Variants in MYO10 observed in about 807,000 individuals in gnomAD.
The protein encoded by MYO10 is myosin X.
In MYO10, 133 loss-of-function variants were observed where a neutral mutation model predicts 257.3. The ratio of observed to expected loss-of-function variants is 0.52; its 90% CI spans 0.45 to 0.60. MYO10 has a LOEUF of 0.60. MYO10 is among the 20% of genes least tolerant of loss of function. The pLI, the probability that MYO10 is intolerant of heterozygous loss-of-function variation, is 0.00. For synonymous variants in MYO10, 1,104 were observed against 1,028.6 expected (o/e 1.07, Z -1.40); for missense variants, 2,399 against 2,635.7 (o/e 0.91, Z 1.97).
chr5:16,698,064 C>T (rs757000935), intron 26 of MYO10, among the ~76,000 whole-genome samples: 40 of 152,296 alleles, frequency 2.6e-4, no homozygotes, highest in Non-Finnish European at 5.6e-4. Context: ...TATGAGGTCC[C>T]AATTAAATAA....
intron 29 of MYO10, among the ~76,000 whole-genome samples, chr5:16,684,319 C>A (rs985015825): frequency 3.3e-5 from 5 of 152,156 alleles, no homozygotes; most frequent in African/African-American, 7.2e-5. Flanking sequence ...CTCAGCTCAA[C>A]GCAACCTCTG....
chr5:16,671,585 G>A (rs1272388205), intron 37 of MYO10, 43 bp from the exon 38 acceptor site: 1 of 1,612,752 alleles, frequency 6.2e-7, no homozygotes. Flanking sequence ...TGAACGAGAA[G>A]GGCCTTCAGT....
chr5:16,706,663 GTCT>G (rs1328593980), intron 21 of MYO10, among the ~76,000 whole-genome samples: 2 of 152,150 alleles, frequency 1.3e-5, no homozygotes, highest in East Asian at 3.9e-4. Context: ...AGGAACAAAG[GTCT>G]TCTCCACCAT....
chr5:16,865,938 A>T (rs960257015), intron 2 of MYO10, among the ~76,000 whole-genome samples: 4 of 151,730 alleles, frequency 2.6e-5, no homozygotes, highest in Non-Finnish European at 5.9e-5. Flanking sequence ...CGACATTATA[A>T]ATGTGATTAC....
In MYO10 at chr5:16,794,915, C is replaced by A; in HGVS notation, c.280-82G>T. 3.5e-6 allele frequency: 4 copies of A among 1,132,856 alleles called. No homozygotes were observed. The South Asian group carries it at 7.0e-5, about 20-fold the overall frequency. The allele number at this position is 1,132,856 out of a possible 1,614,324, so 70.2% of individuals were successfully genotyped here. ...GCTCCAACAAAACCCACCGAGTGTGCGCCAGGGGGAAAGACGTCTTCTGTC... is the reference window on the plus strand; with the variant it reads ...GCTCCAACAAAACCCACCGAGTGTGAGCCAGGGGGAAAGACGTCTTCTGTC... On this transcript the variant is annotated intron_variant, in intron 3 of 40. Coordinates refer to ENST00000513610, the MANE Select transcript of MYO10 (RefSeq NM_012334.3).
chr5:16,824,782 G>A (rs979821404), intron 2 of MYO10, among the ~76,000 whole-genome samples: 5 of 152,126 alleles, frequency 3.3e-5, no homozygotes, highest in East Asian at 1.9e-4. Flanking sequence ...CAGGAGAATC[G>A]CTTGAACCCG....
chr5:16,841,145 CAA>C (rs76124360), intron 2 of MYO10, among the ~76,000 whole-genome samples: 27 of 94,436 alleles, frequency 2.9e-4, no homozygotes, highest in Non-Finnish European at 2.7e-4. Flanking sequence ...AAATGCATCT[CAA>C]AAAAAAAAAA....
Position 16,800,799 on chromosome 5 carries a change from G to A in MYO10, c.280-5966C>T, listed in dbSNP as rs145692371. Among the ~76,000 whole-genome samples, 456 of 152,300 alleles carry A rather than the reference G, an allele frequency of 3.0e-3. 1 individual carries two copies. The highest frequency in any genetic ancestry group is 0.011 in the African/African-American group (441 of 41,558). ...GGAATGAAAGGCTTTTCCTCCAAGG[G>A]CCACTATGTCAGGGGGTATTGAAAA... On this transcript the variant is annotated intron_variant, in intron 3 of 40. Transcript: ENST00000513610.
At chr5:16,834,876 T>G (rs955891705) in intron 2 of MYO10, among the ~76,000 whole-genome samples, 1 of 152,168 alleles carries the variant, frequency 6.6e-6, no homozygotes, top group African/African-American at 2.4e-5. Context: ...AAGTGCCCAT[T>G]GAGAATTTAG....
chr5:16,813,135 G>A (rs1428744747), intron 3 of MYO10, among the ~76,000 whole-genome samples: 1 of 152,106 alleles, frequency 6.6e-6, no homozygotes, highest in Non-Finnish European at 1.5e-5. Context: ...GAACCTGACA[G>A]CTCAGAACAG....
At chr5:16,856,071 A>G (rs1445753676) in intron 2 of MYO10, among the ~76,000 whole-genome samples, 4 of 152,230 alleles carry the variant, frequency 2.6e-5, no homozygotes, top group Non-Finnish European at 5.9e-5. Flanking sequence ...CAAATGGAAC[A>G]GTATTGTTTT....
intron 1 of MYO10, among the ~76,000 whole-genome samples, chr5:16,927,857 A>G (rs1388705946): frequency 2.0e-5 from 3 of 152,226 alleles, no homozygotes; most frequent in African/African-American, 4.8e-5. Context: ...ATGAGGTGCT[A>G]GATTTACTTT....
intron 19 of MYO10, among the ~76,000 whole-genome samples, chr5:16,747,918 C>CAAAAAAAAAAAA (rs777257950): frequency 5.1e-3 from 153 of 30,270 alleles, no homozygotes; most frequent in Middle Eastern, 0.042. Flanking sequence ...AACTCCGTCT[C>CAAAAAAAAAAAA]AAAAAAAAAA....
At chr5:16,898,330 C>T (rs1326976997) in intron 1 of MYO10, among the ~76,000 whole-genome samples, 2 of 151,732 alleles carry the variant, frequency 1.3e-5, no homozygotes, top group Admixed American at 6.6e-5. Context: ...AAAGTATTAC[C>T]GTTTCAAAAT....
At chr5:16,865,638 C>T (rs955417791) in intron 2 of MYO10, among the ~76,000 whole-genome samples, 2 of 151,888 alleles carry the variant, frequency 1.3e-5, no homozygotes, top group African/African-American at 4.8e-5. Context: ...TGGTGAAACC[C>T]CGTCTCTCCT....
At chr5:16,876,215 C>T (rs925326364) in intron 2 of MYO10, among the ~76,000 whole-genome samples, 3 of 152,118 alleles carry the variant, frequency 2.0e-5, no homozygotes, top group East Asian at 1.9e-4. Flanking sequence ...TTAATATGTA[C>T]CTCTGAGGTA....
rs555562043 is a variant in MYO10, at chr5:16,759,180, C to T, written c.1740-954G>A. Among the ~76,000 whole-genome samples, 121 of 152,304 alleles carry T rather than the reference C, an allele frequency of 7.9e-4. 1 individual carries two copies. The highest frequency in any genetic ancestry group is 1.5e-3 in the Non-Finnish European group (101 of 68,024). On this transcript the variant is annotated intron_variant, in intron 17 of 40. Coordinates refer to ENST00000513610, the MANE Select transcript of MYO10 (RefSeq NM_012334.3). ...TCAGGTGATCCACCCGCCTCGGCCT[C>T]CCAAAGTGTTAGGATTATAGGCGTG...
intron 1 of MYO10, among the ~76,000 whole-genome samples, chr5:16,902,012 T>C (rs948801487): frequency 1.3e-5 from 2 of 152,234 alleles, no homozygotes; most frequent in East Asian, 1.9e-4. Flanking sequence ...GCTTCTTTCA[T>C]GCACCCCAAG....
At chr5:16,761,316 G>C in intron 17 of MYO10, 148 bp downstream of exon 17, 1 of 645,882 alleles carries the variant, frequency 1.5e-6, no homozygotes, top group Middle Eastern at 4.1e-4. Flanking sequence ...TTATACTTTT[G>C]AGTTACTTCA....
Sources: allele counts gnomAD v4.1 joint callset (sites outside exome capture counted in the v4.1 genomes callset), GRCh38; gene constraint gnomAD v4.1.1; transcripts MANE v1.5; gene names NCBI Gene and HGNC (gene_info 2026-07-23, HGNC 2026-07-21).